PROM2: variants seen among roughly 807,000 people sequenced by gnomAD.
PROM2 encodes the protein prominin-2.
PROM2 carries 90 observed loss-of-function variants against 110.2 expected under a neutral mutation model. The ratio of observed to expected loss-of-function variants is 0.82; its 90% confidence interval spans 0.69 to 0.97. PROM2 has a LOEUF of 0.97. PROM2 is among the 50% of genes least tolerant of loss of function. The pLI is 0.00. For missense variants in PROM2, 1,009 were observed against 1,074.8 expected (o/e 0.94, Z 0.86); for synonymous variants, 470 against 467.8 (o/e 1.00, Z -0.06).
intron 1 of PROM2, 44 bp downstream of exon 1, chr2:95,274,873 C>G (rs759091355): frequency 6.7e-7 from 1 of 1,493,348 alleles, no homozygotes; most frequent in Non-Finnish European, 8.9e-7. Flanking sequence ...ATTTGGGTCC[C>G]CAGCCCGGCT....
chr2:95,277,695 C>T (rs775886461), intron 7 of PROM2, 129 bp downstream of exon 7: 100 of 991,594 alleles, frequency 1.0e-4, no homozygotes, highest in Non-Finnish European at 1.3e-4. Flanking sequence ...AGGGTTAATG[C>T]GGGTCATCCT....
intron 22 of PROM2, 129 bp from the exon 23 acceptor site, chr2:95,288,804 T>C: frequency 1.0e-6 from 1 of 994,342 alleles, no homozygotes; most frequent in Non-Finnish European, 1.6e-6. Flanking sequence ...TGGGCGCAGC[T>C]TCGTGGGACC....
intron 1 of PROM2, 148 bp downstream of exon 1, chr2:95,274,977 C>A: frequency 9.9e-7 from 1 of 1,014,850 alleles, no homozygotes; most frequent in Non-Finnish European, 1.4e-6. Context: ...GGGGAGGGCT[C>A]CAGAACCTGC....
At position 95,274,490 on chromosome 2, in the gene PROM2, C is replaced by A; in HGVS notation, c.-96C>A. On this transcript the variant is annotated 5_prime_UTR_variant, in exon 1 of 24. In the 5' UTR this introduces an upstream ATG that the reference lacks. Coordinates refer to ENST00000317620, the MANE Select transcript of PROM2 (RefSeq NM_001165978.3). ...AAACCTGTCGGGCAGGTTTTGAGAG[C>A]TGTGGAGAGAGGGACAGAGGCTGGA... 1 of 1,441,134 alleles carries A rather than the reference C, an allele frequency of 6.9e-7. No homozygotes were observed. The highest frequency in any genetic ancestry group is 9.2e-7 in the Non-Finnish European group (1 of 1,087,042). 89.3% of individuals were successfully genotyped at this position (1,441,134 alleles called of 1,614,324 possible).
intron 15 of PROM2, 37 bp from the exon 16 acceptor site, chr2:95,285,602 G>A (rs1478037846): frequency 6.4e-7 from 1 of 1,551,586 alleles, no homozygotes; most frequent in African/African-American, 1.4e-5. Flanking sequence ...CAGGGGAGCT[G>A]GGTTCATCCC....
chr2:95,277,668 C>T (rs1489688164), intron 7 of PROM2, 102 bp downstream of exon 7: 18 of 1,176,730 alleles, frequency 1.5e-5, no homozygotes, highest in Admixed American at 2.8e-5. Flanking sequence ...AATGTTCCTC[C>T]CTTGCTCCAC....
rs753198634 is a variant in PROM2, at chr2:95,286,830, C to T, written c.2067C>T (p.Ala689=). The T allele has an allele frequency of 6.2e-7, 1 of 1,613,882 alleles. No individual in the cohort carries two copies. The highest frequency in any genetic ancestry group is 1.7e-5 in the Admixed American group (1 of 60,016). Residue 689 remains alanine (A), a synonymous_variant, in exon 18 of 24, where the codon GCC becomes GCT. Coordinates refer to ENST00000317620, the MANE Select transcript of PROM2 (RefSeq NM_001165978.3). ...LVAKLNLSVR[A]LESSAPNLQL... ...CAAAGCTCAACCTCAGCGTCAGGGC[C>T]CTGGAGTCCTCTGCCCCGAATCTCC...
In PROM2 at chr2:95,288,542, T is replaced by G; in HGVS notation, c.2394T>G (p.Phe798Leu). 1.2e-6 allele frequency: 2 copies of G among 1,614,218 alleles called. No homozygotes were observed. The highest frequency in any genetic ancestry group is 8.5e-7 in the Non-Finnish European group (1 of 1,180,026). Residue 798 changes from phenylalanine to leucine, a missense_variant, in exon 22 of 24, where the codon TTT becomes TTG. Transcript: ENST00000317620. ...TCTTCCTGATCCCCAGCATCATCTT[T>G]GCCGTCAAGACCTCCAAATACTTCC... Reference protein sequence around the residue: ...CTFFLIPSIIFAVKTSKYFRP... With the variant: ...CTFFLIPSIILAVKTSKYFRP...
rs1676687346 is a variant in PROM2 at position 95,276,720 on chromosome 2, G to A, written c.682+63G>A. Reference sequence around the variant, plus strand: ...TCCAGGGCCCCTGCTCGGGTGCCTCGGTGGGGGCCTCTCACTCCCTCATTC... The same window carrying A: ...TCCAGGGCCCCTGCTCGGGTGCCTCAGTGGGGGCCTCTCACTCCCTCATTC... On this transcript the variant is annotated intron_variant, in intron 5 of 23. Coordinates refer to ENST00000317620, the MANE Select transcript of PROM2 (RefSeq NM_001165978.3). This position sits in a 1 kb window ranked among gnomAD's most constrained non-coding sequence, Gnocchi z 4.6. 5 of 1,550,066 alleles carry A rather than the reference G, an allele frequency of 3.2e-6. No individual in the cohort carries two copies. In the South Asian group the frequency reaches 3.4e-5, roughly 10 times the overall value.
Position 95,276,789 on chromosome 2 carries a change from G to A in PROM2, c.682+132G>A, listed in dbSNP as rs562659524. ...GGCTGGTAGAGGTGGGGATCAGGCC[G>A]GCTGGAGAGCAAGAGTGGCCGCCAC... is the stretch of plus-strand genomic sequence containing the variant. On this transcript the variant is annotated intron_variant, in intron 5 of 23. Transcript: ENST00000317620. This position sits in a 1 kb window ranked among gnomAD's most constrained non-coding sequence, Gnocchi z 4.6. 15 of 1,179,684 alleles carry A rather than the reference G, an allele frequency of 1.3e-5. No individual in the cohort carries two copies. Among genetic ancestry groups the A allele is most frequent in the East Asian group, 7.6e-5 (3 of 39,300 alleles). The allele number at this position is 1,179,684 out of a possible 1,614,324, so 73.1% of individuals were successfully genotyped here. A position where few individuals can be genotyped will look rare whatever the true frequency, so the allele number is the denominator to read the frequency against.
Position 95,289,839 on chromosome 2 carries a change from T to A in PROM2, c.*626T>A, listed in dbSNP as rs1677601297. The A allele has an allele frequency of 6.6e-6, 1 of 152,394 alleles. No individual in the cohort carries two copies. Among genetic ancestry groups the A allele is most frequent in the Admixed American group, 6.5e-5 (1 of 15,282 alleles). 9.4% of individuals were successfully genotyped at this position (152,394 alleles called of 1,614,324 possible). ...CAGGCAGGGGCCACCATGGCCTAGGTCTGGGCTGGCTGCAGGCCCTGCCTC... is the reference window on the plus strand; with the variant it reads ...CAGGCAGGGGCCACCATGGCCTAGGACTGGGCTGGCTGCAGGCCCTGCCTC... On this transcript the variant is annotated 3_prime_UTR_variant, in exon 24 of 24. Coordinates refer to ENST00000317620, the MANE Select transcript of PROM2 (RefSeq NM_001165978.3).
At chr2:95,282,258 C>G in intron 14 of PROM2, 32 bp downstream of exon 14, 4 of 1,514,940 alleles carry the variant, frequency 2.6e-6, no homozygotes, top group Non-Finnish European at 3.6e-6. Flanking sequence ...TGTGAGGAGC[C>G]CTCCTCAGAT....
rs1165668399 is a variant in PROM2, at chr2:95,275,957, G to A, written c.322G>A (p.Val108Ile). Residue 108 changes from valine to isoleucine, a missense_variant, in exon 3 of 24, where the codon GTA becomes ATA. Transcript: ENST00000317620. This position sits in a 1 kb window ranked among gnomAD's most constrained non-coding sequence, Gnocchi z 4.4. Reference sequence around the variant, plus strand: ...GGTGCGGTACGAGGCGGGCTACGTGGTATGCGCTGTGATCGCGGGCCTCTA... The same window carrying A: ...GGTGCGGTACGAGGCGGGCTACGTGATATGCGCTGTGATCGCGGGCCTCTA... ...EVVRYEAGYV[V>I]CAVIAGLYLL... 17 of 1,612,122 alleles carry A rather than the reference G, an allele frequency of 1.1e-5. No individual in the cohort carries two copies. Among genetic ancestry groups the A allele is most frequent in the African/African-American group, 1.3e-5 (1 of 74,936 alleles).
chr2:95,280,139 C>A, intron 11 of PROM2, 142 bp downstream of exon 11: 2 of 803,498 alleles, frequency 2.5e-6, no homozygotes, highest in Non-Finnish European at 3.4e-6. Flanking sequence ...CAGGAATGGC[C>A]AACAAGGAGC....
intron 16 of PROM2, 80 bp from the exon 17 acceptor site, chr2:95,286,399 C>A: frequency 7.9e-7 from 1 of 1,264,342 alleles, no homozygotes; most frequent in Non-Finnish European, 1.1e-6. Flanking sequence ...CCCACTTTCT[C>A]TTGGTATGTC....
rs1487218807 is a variant in PROM2, at chr2:95,285,124, T to C, written c.1875+9T>C. On this transcript the variant is annotated intron_variant, in intron 15 of 23. Transcript: ENST00000317620. ...CCGACTTCCTCGTTCAGGTCAGCGG[T>C]GGGCACCTCAGCAGGGCTTCCTCAG... 6.4e-7 allele frequency: 1 copy of C among 1,552,348 alleles called. No individual in the cohort carries two copies. Among genetic ancestry groups the C allele is most frequent in the East Asian group, 2.4e-5 (1 of 41,868 alleles).
At position 95,276,751 on chromosome 2, in the gene PROM2, A is replaced by AC; in HGVS notation, c.682+99dup. On this transcript the variant is annotated intron_variant, in intron 5 of 23. Coordinates refer to ENST00000317620, the MANE Select transcript of PROM2 (RefSeq NM_001165978.3). The surrounding 1 kb of genome is among the most constrained non-coding windows in gnomAD (Gnocchi z 4.6). ...GGCCTCTCACTCCCTCATTCTGGAC[A>AC]CCCCCGGGAACAGGCTGGTAGAGGT... 1.4e-6 allele frequency: 2 copies of AC among 1,383,642 alleles called. No homozygotes were observed. The highest frequency in any genetic ancestry group is 1.0e-6 in the Non-Finnish European group (1 of 986,554). 85.7% of individuals were successfully genotyped at this position (1,383,642 alleles called of 1,614,324 possible).
intron 10 of PROM2, 35 bp from the exon 11 acceptor site, chr2:95,279,810 C>T (rs140137879): frequency 1.8e-5 from 25 of 1,385,800 alleles, no homozygotes; most frequent in Admixed American, 2.8e-5. Flanking sequence ...CAGCCACCTC[C>T]TTTCTTAGTG....
chr2:95,286,696 C>G, intron 17 of PROM2, 108 bp from the exon 18 acceptor site: 3 of 652,872 alleles, frequency 4.6e-6, no homozygotes, highest in Non-Finnish European at 8.1e-6. Flanking sequence ...CTCCCCTCCT[C>G]TCCCCTCCTC....
Sources: gnomAD v4.1 joint callset for allele counts on GRCh38, gnomAD v4.1.1 for gene constraint, Gnocchi (gnomAD v3.1) non-coding constraint, MANE v1.5 for transcripts, NCBI Gene and HGNC (gene_info 2026-07-23, HGNC 2026-07-21) for gene names.